Variants in KHDRBS2 observed in about 807,000 individuals in gnomAD.
KHDRBS2 encodes the protein KH domain-containing, RNA-binding, signal transduction-associated protein 2.
KHDRBS2 carries 26 observed loss-of-function variants against 44.3 expected under a neutral mutation model. The observed-to-expected ratio is 0.59, with a 90% CI of 0.43 to 0.81. The LOEUF is 0.81. Among genes scored for constraint, KHDRBS2 ranks in the 40% least tolerant of loss-of-function variants. KHDRBS2 has a pLI of 0.00. For missense variants in KHDRBS2, 476 were observed against 433.1 expected (o/e 1.10, Z -0.88); for synonymous variants, 194 against 151.1 (o/e 1.28, Z -2.08).
At chr6:61,665,972 T>C in the KHDRBS2 span, among the ~76,000 whole-genome samples, 6 of 151,004 alleles carry the variant, frequency 4.0e-5, no homozygotes, top group Admixed American at 2.0e-4. Flanking sequence ...TGAATAGTTA[T>C]ATTTTGATGT....
chr6:61,620,869 C>T, the KHDRBS2 span, among the ~76,000 whole-genome samples: 1 of 152,190 alleles, frequency 6.6e-6, no homozygotes, highest in South Asian at 2.1e-4. Flanking sequence ...AAAGCTCCTG[C>T]TACCCATTCT....
At chr6:62,113,352 G>A (rs922545950) in intron 2 of KHDRBS2, among the ~76,000 whole-genome samples, 3 of 152,074 alleles carry the variant, frequency 2.0e-5, no homozygotes, top group Admixed American at 6.6e-5. Flanking sequence ...ACTGACAGTT[G>A]AGAACATAAT....
chr6:61,672,005 C>T, the KHDRBS2 span, among the ~76,000 whole-genome samples: 1 of 151,330 alleles, frequency 6.6e-6, no homozygotes, highest in Non-Finnish European at 1.5e-5. Context: ...CCTCCCCCAA[C>T]CCCACAACAG....
intron 8 of KHDRBS2, among the ~76,000 whole-genome samples, chr6:61,685,338 A>C (rs1379659131): frequency 6.6e-6 from 1 of 151,860 alleles, no homozygotes; most frequent in Non-Finnish European, 1.5e-5. Context: ...GAAAGGAGAA[A>C]TCGTCTACAG....
At chr6:62,239,613 T>C (rs1244741490) in intron 1 of KHDRBS2, among the ~76,000 whole-genome samples, 1 of 151,966 alleles carries the variant, frequency 6.6e-6, no homozygotes, top group Non-Finnish European at 1.5e-5. Context: ...AGTACAAGTG[T>C]GCTTTTGGGG....
chr6:62,157,288 C>A (rs1257741558), intron 2 of KHDRBS2, among the ~76,000 whole-genome samples: 3 of 151,614 alleles, frequency 2.0e-5, no homozygotes, highest in African/African-American at 7.3e-5. Flanking sequence ...GATAGCGCCA[C>A]TGCACTGCAG....
chr6:61,964,604 G>A (rs1769494496), intron 4 of KHDRBS2, among the ~76,000 whole-genome samples: 1 of 151,998 alleles, frequency 6.6e-6, no homozygotes, highest in Admixed American at 6.6e-5. Flanking sequence ...GCCTGTTATT[G>A]CTTGTGATTT....
intron 1 of KHDRBS2, among the ~76,000 whole-genome samples, chr6:62,260,396 T>C (rs1278293361): frequency 1.3e-5 from 2 of 151,934 alleles, no homozygotes; most frequent in Non-Finnish European, 2.9e-5. Flanking sequence ...ATTACCAAAA[T>C]CTGATTGTCA....
At chr6:61,704,214 G>A (rs1195353853) in intron 7 of KHDRBS2, among the ~76,000 whole-genome samples, 1 of 151,664 alleles carries the variant, frequency 6.6e-6, no homozygotes, top group African/African-American at 2.4e-5. Flanking sequence ...CAAATGCCTA[G>A]TAGCTACATA....
At chr6:62,169,923 C>T (rs1396766063) in intron 2 of KHDRBS2, among the ~76,000 whole-genome samples, 2 of 151,790 alleles carry the variant, frequency 1.3e-5, no homozygotes, top group East Asian at 4.0e-4. Flanking sequence ...AGCTTGAGGC[C>T]AGCTTCTGTC....
rs181939816 is a variant in KHDRBS2, at chr6:61,969,744, G to A, written c.483+8322C>T. ...TCAGATGGCATTTTCAATCCCTTCA[G>A]TATGCTATGGATAACAGACAAGACC... On this transcript the variant is annotated intron_variant, in intron 4 of 8. Coordinates refer to ENST00000281156, the MANE Select transcript of KHDRBS2 (RefSeq NM_152688.4). Among the ~76,000 whole-genome samples the A allele has an allele frequency of 2.7e-4, 41 of 152,046 alleles. 1 individual carries two copies. In the East Asian group the frequency reaches 6.8e-3, roughly 25 times the overall value.
chr6:62,082,512 C>G (rs1488023295), intron 2 of KHDRBS2, among the ~76,000 whole-genome samples: 1 of 152,118 alleles, frequency 6.6e-6, no homozygotes, highest in Non-Finnish European at 1.5e-5. Context: ...TGCTAGACTT[C>G]TCCTTTCATG....
chr6:62,082,764 T>A (rs546896859), intron 2 of KHDRBS2, among the ~76,000 whole-genome samples: 2 of 152,252 alleles, frequency 1.3e-5, no homozygotes, highest in African/African-American at 4.8e-5. Flanking sequence ...AAATCTAGAT[T>A]AAAACAGAGA....
At chr6:62,113,076 C>T (rs1381829356) in intron 2 of KHDRBS2, among the ~76,000 whole-genome samples, 2 of 152,090 alleles carry the variant, frequency 1.3e-5, no homozygotes, top group East Asian at 3.9e-4. Context: ...AATGAAGCTG[C>T]CCAGTGAATG....
chr6:62,238,043 ACTCTGT>A (rs1833981216), intron 1 of KHDRBS2, among the ~76,000 whole-genome samples: 1 of 125,570 alleles, frequency 8.0e-6, no homozygotes, highest in Non-Finnish European at 1.7e-5. Flanking sequence ...ACAGGGCAAG[ACTCTGT>A]CTCAAAAAAA....
intron 2 of KHDRBS2, among the ~76,000 whole-genome samples, chr6:62,169,333 T>A (rs942308277): frequency 2.6e-5 from 4 of 151,702 alleles, no homozygotes; most frequent in African/African-American, 9.7e-5. Context: ...TTTACATGAA[T>A]GTCTTAGGAA....
At chr6:61,996,778 C>T (rs1411612271) in intron 3 of KHDRBS2, among the ~76,000 whole-genome samples, 4 of 150,416 alleles carry the variant, frequency 2.7e-5, no homozygotes, top group East Asian at 1.9e-4. Flanking sequence ...TCTCTTTTAC[C>T]CCTCCTCCCC....
At chr6:62,065,311 C>G (rs1026827003) in intron 2 of KHDRBS2, among the ~76,000 whole-genome samples, 9 of 152,154 alleles carry the variant, frequency 5.9e-5, no homozygotes, top group Admixed American at 1.3e-4. Flanking sequence ...ATAAATCATG[C>G]TGCTATAAAG....
At chr6:62,199,304 G>C (rs187925144) in intron 1 of KHDRBS2, among the ~76,000 whole-genome samples, 12 of 152,248 alleles carry the variant, frequency 7.9e-5, no homozygotes, top group African/African-American at 2.6e-4. Context: ...AATTGTCCCT[G>C]TTTGCAGATG....
Sources: gnomAD v4.1 joint callset for allele counts (sites outside exome capture counted in the v4.1 genomes callset) on GRCh38, gnomAD v4.1.1 for gene constraint, MANE v1.5 for transcripts, NCBI Gene and HGNC (gene_info 2026-07-23, HGNC 2026-07-21) for gene names.